PPFIA3: variants seen among roughly 807,000 people sequenced by gnomAD.
PPFIA3 encodes PPFI scaffold protein A3, also known as liprin-alpha-3.
A neutral mutation model predicts 145.8 loss-of-function variants in PPFIA3; 26 were observed. The observed-to-expected ratio is 0.18, with a 90% CI of 0.13 to 0.25. The LOEUF (loss-of-function observed/expected upper bound fraction) is 0.25. Among genes scored for constraint, PPFIA3 ranks in the 10% least tolerant of loss-of-function variants. The probability of loss-of-function intolerance (pLI) is 1.00; values close to 1 mark genes in which losing one functional copy is unlikely to be tolerated. For synonymous variants in PPFIA3, 645 were observed against 661.4 expected (o/e 0.98, Z 0.38); for missense variants, 1,008 against 1,587.8 (o/e 0.63, Z 6.21).
chr19:49,144,928 CTTTCTTTTT>C (rs986891781), intron 21 of PPFIA3, among the ~76,000 whole-genome samples: 2 of 146,778 alleles, frequency 1.4e-5, no homozygotes, highest in African/African-American at 5.1e-5. Context: ...CTTTTCTTTT[CTTTCTTTTT>C]TTTTTTTTTT....
At chr19:49,146,369 A>T (rs2041280889) in intron 23 of PPFIA3, 177 bp downstream of exon 23, 1 of 746,636 alleles carries the variant, frequency 1.3e-6, no homozygotes, top group South Asian at 1.9e-5. Context: ...GGGAGGGTAG[A>T]GGGGATGCGA....
Position 49,140,018 on chromosome 19 carries a change from C to A in PPFIA3, c.2298C>A (p.Ser766=), listed in dbSNP as rs2041198183. ...CCAAGAAGAAGAGCATCAAGTCATC[C>A]ATAGGCCGTCTCTTTGGCAAGAAAG... ...KAPKKKSIKS[S]IGRLFGKKEK... is the part of the protein sequence containing the mutation. The change falls in exon 18 of 30, where the codon TCC becomes TCA. Residue 766 remains serine (S), a synonymous_variant. Coordinates refer to ENST00000334186, the MANE Select transcript of PPFIA3 (RefSeq NM_003660.4). 1 of 1,614,218 alleles carries A rather than the reference C, an allele frequency of 6.2e-7. No homozygotes were observed. The highest frequency in any genetic ancestry group is 1.7e-5 in the Admixed American group (1 of 60,026).
chr19:49,130,571 A>G lies in PPFIA3; in HGVS notation c.851A>G (p.Asn284Ser), dbSNP rs1314825066. ...HRELGKAEEANSKLQRDLKEA... is the reference protein window; with the variant it reads ...HRELGKAEEASSKLQRDLKEA... Reference sequence around the variant, plus strand: ...GAGCTGGGCAAGGCAGAGGAAGCCAACTCCAAGCTGCAGCGCGACCTCAAG... The same window carrying G: ...GAGCTGGGCAAGGCAGAGGAAGCCAGCTCCAAGCTGCAGCGCGACCTCAAG... Residue 284 changes from asparagine to serine, a missense_variant, in exon 7 of 30, where the codon AAC (asparagine) becomes AGC (serine). Asn to Ser is a conservative substitution (Grantham distance 46). Around this residue, in one of 11 missense-constraint regions of PPFIA3, gnomAD observed 136 missense variants for 160.7 expected, o/e 0.85. Coordinates refer to ENST00000334186, the MANE Select transcript of PPFIA3 (RefSeq NM_003660.4). The surrounding 1 kb of genome is among the most constrained non-coding windows in gnomAD (Gnocchi z 4.5). 33 of 1,562,394 alleles carry G rather than the reference A, an allele frequency of 2.1e-5. No individual in the cohort carries two copies. The highest frequency in any genetic ancestry group is 2.6e-5 in the Non-Finnish European group (30 of 1,154,324).
At position 49,150,326 on chromosome 19, in the gene PPFIA3, G is replaced by A. The variant is rs1411190905; in HGVS notation, c.*104G>A. The A allele has an allele frequency of 1.5e-4, 97 of 663,578 alleles. 1 individual carries two copies. In the East Asian group the frequency reaches 2.7e-3, roughly 19 times the overall value. 41.1% of individuals were successfully genotyped at this position (663,578 alleles called of 1,614,324 possible). A position where few individuals can be genotyped will look rare whatever the true frequency, so the allele number is the denominator to read the frequency against. ...GCCTCGCCGGGGAGAGCGGGCGGGG[G>A]AGCTCGCGCCGAGGACTGGACCATC... On this transcript the variant is annotated 3_prime_UTR_variant, in exon 30 of 30. Coordinates refer to ENST00000334186, the MANE Select transcript of PPFIA3 (RefSeq NM_003660.4).
chr19:49,143,111 C>A, intron 21 of PPFIA3, 107 bp downstream of exon 21: 1 of 1,286,076 alleles, frequency 7.8e-7, no homozygotes, highest in Non-Finnish European at 1.1e-6. Context: ...CACGACCCTG[C>A]TTCTCATTGG....
rs1005478628 is a variant in PPFIA3, at chr19:49,128,241, C to T, written c.241-126C>T. 4 of 1,492,400 alleles carry T rather than the reference C, an allele frequency of 2.7e-6. No individual in the cohort carries two copies. The African/African-American group carries it at 4.1e-5, about 15-fold the overall frequency. The allele number at this position is 1,492,400 out of a possible 1,614,324, so 92.4% of individuals were successfully genotyped here. A position where few individuals can be genotyped will look rare whatever the true frequency, so the allele number is the denominator to read the frequency against. The stretch of plus-strand genomic sequence containing the variant: ...CGAGGCTTGCCGTTAATGGGCGGGG[C>T]CTGAGTGGCAAGGGACAGCGGGACT... On this transcript the variant is annotated intron_variant, in intron 2 of 29. Coordinates refer to ENST00000334186, the MANE Select transcript of PPFIA3 (RefSeq NM_003660.4). This position sits in a 1 kb window ranked among gnomAD's most constrained non-coding sequence, Gnocchi z 4.1.
chr19:49,145,592 C>A, intron 21 of PPFIA3: 1 of 305,536 alleles, frequency 3.3e-6, no homozygotes, highest in South Asian at 3.8e-5. Flanking sequence ...GAACCCCCCC[C>A]GCCATACTCC....
rs1600327436 is a variant in PPFIA3, at chr19:49,128,313, G to A, written c.241-54G>A. ...CAAACTTCCAGTCCCAGTGAATGAA[G>A]GAGACAGGGAAAGGATTGAGCCGAA... On this transcript the variant is annotated intron_variant, in intron 2 of 29. Transcript: ENST00000334186. This position sits in a 1 kb window ranked among gnomAD's most constrained non-coding sequence, Gnocchi z 4.1. The A allele has an allele frequency of 2.5e-6, 4 of 1,582,580 alleles. No individual in the cohort carries two copies. The highest frequency in any genetic ancestry group is 2.6e-6 in the Non-Finnish European group (3 of 1,151,664).
intron 16 of PPFIA3, among the ~76,000 whole-genome samples, chr19:49,138,707 C>T (rs1462303335): frequency 3.9e-5 from 6 of 152,150 alleles, no homozygotes; most frequent in South Asian, 4.1e-4. Context: ...CGGTGGCTCA[C>T]GCCTGTAATC....
Position 49,145,989 on chromosome 19 carries a change from C to A in PPFIA3, c.2792C>A (p.Thr931Lys), listed in dbSNP as rs776576304. 6.2e-7 allele frequency: 1 copy of A among 1,614,060 alleles called. No homozygotes were observed. Among genetic ancestry groups the A allele is most frequent in the Admixed American group, 1.7e-5 (1 of 60,016 alleles). The change falls in exon 22 of 30, where the codon ACG becomes AAG. Residue 931 changes from threonine to lysine, a missense_variant. Thr to Lys is a moderately conservative substitution (Grantham distance 78, BLOSUM62 -1). Coordinates refer to ENST00000334186, the MANE Select transcript of PPFIA3 (RefSeq NM_003660.4). ...WMTHEEMESLTATTKPETKEI... is the reference protein window; with the variant it reads ...WMTHEEMESLKATTKPETKEI... The stretch of plus-strand genomic sequence containing the variant: ...ACACACGAGGAGATGGAGTCCCTTA[C>A]GGCCACGACCAAGCCCGTGAGTGCC...
At chr19:49,147,686 AAGAG>A (rs143496485) in intron 23 of PPFIA3, among the ~76,000 whole-genome samples, 42 of 145,706 alleles carry the variant, frequency 2.9e-4, no homozygotes, top group East Asian at 7.9e-4. Flanking sequence ...CTCTTTCAGA[AAGAG>A]AGAGAGAGAG....
At chr19:49,142,758 TCCTCTGTC>T (rs749847013) in intron 20 of PPFIA3, 38 bp from the exon 21 acceptor site, 21 of 1,382,146 alleles carry the variant, frequency 1.5e-5, no homozygotes, top group African/African-American at 1.2e-4. Context: ...GATTTTCTCC[TCCTCTGTC>T]CCTCTGTCCC....
intron 18 of PPFIA3, among the ~76,000 whole-genome samples, chr19:49,140,349 TTTGTTG>T (rs973585311): frequency 6.6e-6 from 1 of 151,946 alleles, no homozygotes; most frequent in Non-Finnish European, 1.5e-5. Context: ...TTTTTTGGTT[TTTGTTG>T]TTGTTGTTTT....
intron 1 of PPFIA3, among the ~76,000 whole-genome samples, chr19:49,125,819 T>C (rs948478298): frequency 2.0e-5 from 3 of 152,128 alleles, no homozygotes; most frequent in Non-Finnish European, 4.4e-5. Flanking sequence ...CGAAAGGGAC[T>C]GGGTCTTAGA....
chr19:49,143,027 C>T lies in PPFIA3; in HGVS notation c.2745+23C>T, dbSNP rs772067206. 5 of 1,595,368 alleles carry T rather than the reference C, an allele frequency of 3.1e-6. No homozygotes were observed. In the South Asian group the frequency reaches 5.5e-5, roughly 18 times the overall value. On this transcript the variant is annotated intron_variant, in intron 21 of 29. Coordinates refer to ENST00000334186, the MANE Select transcript of PPFIA3 (RefSeq NM_003660.4). ...ACTGTGAGTGTCCGGCGGCCAATTC[C>T]AGCCTTCGCTTCCTCAGAGCCCCGC...
rs911781744 is a variant in PPFIA3 at position 49,138,571 on chromosome 19, G to A, written c.2076+144G>A. The A allele has an allele frequency of 3.0e-4, 176 of 577,184 alleles. 1 individual carries two copies. Among genetic ancestry groups the A allele is most frequent in the Non-Finnish European group, 5.9e-5 (22 of 371,620 alleles). The allele number at this position is 577,184 out of a possible 1,614,324, so 35.8% of individuals were successfully genotyped here. On this transcript the variant is annotated intron_variant, in intron 16 of 29. Coordinates refer to ENST00000334186, the MANE Select transcript of PPFIA3 (RefSeq NM_003660.4). ...CTTTCCCTAAAGGTTCAAACTCAAA[G>A]GGCAAAGGGGAGGCTGAGTCACTGG... is the stretch of plus-strand genomic sequence containing the variant.
At position 49,128,719 on chromosome 19, in the gene PPFIA3, C is replaced by G. The variant is rs545182818; in HGVS notation, c.343-129C>G. The G allele has an allele frequency of 1.5e-5, 15 of 985,120 alleles. No homozygotes were observed. The highest frequency in any genetic ancestry group is 1.3e-4 in the African/African-American group (8 of 61,018). 61.0% of individuals were successfully genotyped at this position (985,120 alleles called of 1,614,324 possible). A position where few individuals can be genotyped will look rare whatever the true frequency, so the allele number is the denominator to read the frequency against. On this transcript the variant is annotated intron_variant, in intron 3 of 29. Transcript: ENST00000334186. The surrounding 1 kb of genome is among the most constrained non-coding windows in gnomAD (Gnocchi z 4.1). ...ACCCCGACCTCCTCTCTTTTCCTGA[C>G]CTGTCTCGGTGCTCCTTTATATGGC...
chr19:49,131,958 C>T (rs1050131485), intron 7 of PPFIA3, among the ~76,000 whole-genome samples: 1 of 144,304 alleles, frequency 6.9e-6, no homozygotes, highest in Non-Finnish European at 1.5e-5. Context: ...TGCAGTGAGC[C>T]GAGATAGTGC....
rs1251870065 is a variant in PPFIA3, at chr19:49,128,271, A to G, written c.241-96A>G. 7.9e-6 allele frequency: 12 copies of G among 1,515,446 alleles called. No homozygotes were observed. The East Asian group carries it at 2.3e-4, about 29-fold the overall frequency. The allele number at this position is 1,515,446 out of a possible 1,614,324, so 93.9% of individuals were successfully genotyped here. A position where few individuals can be genotyped will look rare whatever the true frequency, so the allele number is the denominator to read the frequency against. On this transcript the variant is annotated intron_variant, in intron 2 of 29. Coordinates refer to ENST00000334186, the MANE Select transcript of PPFIA3 (RefSeq NM_003660.4). The surrounding 1 kb of genome is among the most constrained non-coding windows in gnomAD (Gnocchi z 4.1). ...GTGGCAAGGGACAGCGGGACTTAGC[A>G]GGGAGGGCGGGACCTTCAAACTTCC... is the stretch of plus-strand genomic sequence containing the variant.
Sources: allele counts gnomAD v4.1 joint callset (sites outside exome capture counted in the v4.1 genomes callset), GRCh38; gene constraint gnomAD v4.1.1; regional missense constraint gnomAD v4.1.1; non-coding constraint Gnocchi (gnomAD v3.1); transcripts MANE v1.5; gene names NCBI Gene and HGNC (gene_info 2026-07-23, HGNC 2026-07-21).